The following NUDT3 variants were observed in gnomAD, a reference collection of about 807,000 sequenced individuals.
The protein encoded by NUDT3 is diphosphoinositol polyphosphate phosphohydrolase 1.
Under a neutral mutation model 23.6 loss-of-function variants are expected in NUDT3, and 9 were observed. The ratio of observed to expected loss-of-function variants is 0.38; its 90% CI spans 0.23 to 0.66. The LOEUF is 0.66. Ranked by LOEUF, NUDT3 falls within the 30% of genes least tolerant of loss-of-function variation. The probability of loss-of-function intolerance (pLI) is 0.52; values close to 1 mark genes in which losing one functional copy is unlikely to be tolerated. For missense variants in NUDT3, 172 were observed against 218.5 expected, an observed-to-expected ratio of 0.79 and a Z score of 1.34; for synonymous variants, 86 against 82.6, an observed-to-expected ratio of 1.04 and a Z score of -0.22.
chr6:34,344,184 C>T (rs1371239431), intron 1 of NUDT3, among the ~76,000 whole-genome samples: 4 of 152,168 alleles, frequency 2.6e-5, no homozygotes, highest in Non-Finnish European at 4.4e-5. Context: ...AGTAACTCCA[C>T]TGCTAGGTAT....
chr6:34,390,363 C>T (rs1034664146), intron 1 of NUDT3, among the ~76,000 whole-genome samples: 1 of 151,548 alleles, frequency 6.6e-6, no homozygotes, highest in Non-Finnish European at 1.5e-5. Context: ...TGTGAGATGC[C>T]GTGAGGTAGC....
chr6:34,365,900 G>A (rs1008670139), intron 1 of NUDT3, among the ~76,000 whole-genome samples: 1 of 152,070 alleles, frequency 6.6e-6, no homozygotes, highest in African/African-American at 2.4e-5. Flanking sequence ...AATTAGCCAG[G>A]GGTGGTGGCG....
In NUDT3 at chr6:34,370,250, T is replaced by C. The variant is rs147898563; in HGVS notation, c.99+22014A>G. Among the ~76,000 whole-genome samples the C allele has an allele frequency of 4.5e-3, 688 of 152,268 alleles. 4 individuals carry two copies. The highest frequency in any genetic ancestry group is 7.1e-3 in the Admixed American group (109 of 15,286). On this transcript the variant is annotated intron_variant, in intron 1 of 4. Transcript: ENST00000607016. ...CCTGAATAATGCTGGCTAAAATAAA[T>C]AGGAACTTACTTTTCTCACTAACAG... is the stretch of plus-strand genomic sequence containing the variant.
At chr6:34,315,580 CA>C (rs1287849317) in intron 2 of NUDT3, among the ~76,000 whole-genome samples, 4 of 151,856 alleles carry the variant, frequency 2.6e-5, no homozygotes, top group Non-Finnish European at 5.9e-5. Flanking sequence ...AACCCTGTTT[CA>C]AAAAAAGTTT....
intron 1 of NUDT3, among the ~76,000 whole-genome samples, chr6:34,343,281 G>A (rs577826762): frequency 6.6e-6 from 1 of 151,858 alleles, no homozygotes; most frequent in Non-Finnish European, 1.5e-5. Flanking sequence ...CAGGTGTGAT[G>A]GCTCACACCT....
At chr6:34,390,726 T>C (rs1415837357) in intron 1 of NUDT3, among the ~76,000 whole-genome samples, 1 of 152,110 alleles carries the variant, frequency 6.6e-6, no homozygotes, top group African/African-American at 2.4e-5. Context: ...ATAATTGGGG[T>C]GCTCACAGAT....
In NUDT3 at chr6:34,287,850, G is replaced by A. The variant is rs1187545290; in HGVS notation, c.*903C>T. On this transcript the variant is annotated 3_prime_UTR_variant, in exon 5 of 5. Coordinates refer to ENST00000607016, the MANE Select transcript of NUDT3 (RefSeq NM_006703.4). ...TTAGATAAGTAATCCCAAGAATCCA[G>A]TTCCAACTCTACTGTCAACATGTGG... The A allele has an allele frequency of 3.3e-5, 5 of 152,094 alleles. No homozygotes were observed. The highest frequency in any genetic ancestry group is 1.3e-4 in the Admixed American group (2 of 15,258). The allele number at this position is 152,094 out of a possible 1,614,324, so 9.4% of individuals were successfully genotyped here. A position where few individuals can be genotyped will look rare whatever the true frequency, so the allele number is the denominator to read the frequency against.
intron 2 of NUDT3, among the ~76,000 whole-genome samples, chr6:34,304,218 T>C (rs942293746): frequency 2.8e-4 from 39 of 141,006 alleles, no homozygotes; most frequent in African/African-American, 1.0e-3. Context: ...GCCACTGTAC[T>C]CCAGCCTGGG....
Position 34,363,882 on chromosome 6 carries a change from C to G in NUDT3, c.100-21910G>C, listed in dbSNP as rs192234290. The stretch of plus-strand genomic sequence containing the variant: ...CCTCCTCCCAGGTTTAAGCGATTCT[C>G]CTGCCTTAGCCTCCCAAGTAGCTGG... On this transcript the variant is annotated intron_variant, in intron 1 of 4. Coordinates refer to ENST00000607016, the MANE Select transcript of NUDT3 (RefSeq NM_006703.4). Among the ~76,000 whole-genome samples, 263 of 152,180 alleles carry G rather than the reference C, an allele frequency of 1.7e-3. 1 individual carries two copies. Among genetic ancestry groups the G allele is most frequent in the African/African-American group, 5.9e-3 (245 of 41,528 alleles).
chr6:34,303,197 ATTTTTTTTTT>A (rs55915428), intron 2 of NUDT3, among the ~76,000 whole-genome samples: 74 of 74,542 alleles, frequency 9.9e-4, no homozygotes, highest in African/African-American at 3.4e-3. Flanking sequence ...ATACCTGGCA[ATTTTTTTTTT>A]TTTTTTTTTT....
rs1284209648 is a variant in NUDT3, at chr6:34,281,605, T to C, written c.*7148A>G. ...TTTACAAAACTGTACTACATACTTA[T>C]TTCTTTTACAGTAGAGCTGACCAAT... On this transcript the variant is annotated 3_prime_UTR_variant, in exon 5 of 5. Transcript: ENST00000607016. The C allele has an allele frequency of 1.3e-5, 2 of 152,382 alleles. No individual in the cohort carries two copies. Among genetic ancestry groups the C allele is most frequent in the Admixed American group, 6.5e-5 (1 of 15,304 alleles). The allele number at this position is 152,382 out of a possible 1,614,324, so 9.4% of individuals were successfully genotyped here.
At chr6:34,364,564 T>C (rs1345925570) in intron 1 of NUDT3, among the ~76,000 whole-genome samples, 1 of 152,128 alleles carries the variant, frequency 6.6e-6, no homozygotes, top group Non-Finnish European at 1.5e-5. Context: ...AAGTCATACA[T>C]AAATCCTCTC....
At chr6:34,300,373 AG>A (rs1275615690) in intron 2 of NUDT3, among the ~76,000 whole-genome samples, 1 of 152,200 alleles carries the variant, frequency 6.6e-6, no homozygotes, top group Non-Finnish European at 1.5e-5. Context: ...TGCTGCTACC[AG>A]GGAGACCCAG....
chr6:34,351,643 AAGG>A (rs1764478909), intron 1 of NUDT3, among the ~76,000 whole-genome samples: 1 of 147,564 alleles, frequency 6.8e-6, no homozygotes, highest in Non-Finnish European at 1.5e-5. Context: ...CGGGAGACTG[AAGG>A]AGGAGAATTG....
At chr6:34,355,388 C>T (rs1467162562) in intron 1 of NUDT3, among the ~76,000 whole-genome samples, 1 of 151,790 alleles carries the variant, frequency 6.6e-6, no homozygotes, top group African/African-American at 2.4e-5. Context: ...CAGTTAGTCA[C>T]GATGTATTAT....
At chr6:34,376,746 T>TA (rs1398209874) in intron 1 of NUDT3, among the ~76,000 whole-genome samples, 1 of 152,156 alleles carries the variant, frequency 6.6e-6, no homozygotes, top group African/African-American at 2.4e-5. Flanking sequence ...CCCTGCATTC[T>TA]ACTCTCACAC....
chr6:34,385,551 C>T (rs1237199377), intron 1 of NUDT3, among the ~76,000 whole-genome samples: 2 of 151,074 alleles, frequency 1.3e-5, no homozygotes, highest in African/African-American at 4.9e-5. Flanking sequence ...CCTATGTTTT[C>T]CAGTCCTAGT....
At chr6:34,382,621 G>A (rs1765039094) in intron 1 of NUDT3, among the ~76,000 whole-genome samples, 2 of 151,986 alleles carry the variant, frequency 1.3e-5, no homozygotes, top group South Asian at 4.2e-4. Flanking sequence ...TGCTGCTTCA[G>A]CTCAGGAGTT....
chr6:34,296,168 C>T (rs1763496260), intron 2 of NUDT3, among the ~76,000 whole-genome samples: 2 of 152,186 alleles, frequency 1.3e-5, no homozygotes, highest in Non-Finnish European at 2.9e-5. Context: ...ACTGGGGAGG[C>T]TAAGGTGAGA....
Sources: allele counts gnomAD v4.1 joint callset (sites outside exome capture counted in the v4.1 genomes callset), GRCh38; gene constraint gnomAD v4.1.1; transcripts MANE v1.5; gene names NCBI Gene and HGNC (gene_info 2026-07-23, HGNC 2026-07-21).